Variants in SORBS2 observed in about 807,000 individuals in gnomAD.
SORBS2 encodes the protein sorbin and SH3 domain containing 2, also known as sorbin and SH3 domain-containing protein 2.
A neutral mutation model predicts 97.7 loss-of-function variants in SORBS2; 46 were observed. The observed-to-expected ratio is 0.47, with a 90% CI of 0.37 to 0.60. SORBS2 has a LOEUF of 0.60. Ranked by LOEUF, SORBS2 falls within the 20% of genes least tolerant of loss-of-function variation. SORBS2 has a pLI of 0.00. For missense variants in SORBS2, 1,316 were observed against 1,282.3 expected, an observed-to-expected ratio of 1.03 and a Z score of -0.40; for synonymous variants, 476 against 473.4, an observed-to-expected ratio of 1.01 and a Z score of -0.07.
chr4:185,725,702 T>A (rs2098550257), intron 2 of SORBS2, among the ~76,000 whole-genome samples: 1 of 152,242 alleles, frequency 6.6e-6, no homozygotes, highest in East Asian at 1.9e-4. Flanking sequence ...TCTGTCGTTT[T>A]AATTTTATTT....
intron 1 of SORBS2, among the ~76,000 whole-genome samples, chr4:185,934,425 C>T (rs2099267914): frequency 6.6e-6 from 1 of 152,136 alleles, no homozygotes; most frequent in African/African-American, 2.4e-5. Flanking sequence ...AGAAAACTCT[C>T]ACCCTTCCAC....
rs1456257420 is a variant in SORBS2, at chr4:185,684,062, A to G, written c.-197-5240T>C. ...ACCCATCACCAACAGGTGTGGGTCT[A>G]TTTCAGGGTCTGGAGGCACTGGGCT... On this transcript the variant is annotated intron_variant, in intron 2 of 20. Transcript: ENST00000284776. This position sits in a 1 kb window ranked among gnomAD's most constrained non-coding sequence, Gnocchi z 4.2. Among the ~76,000 whole-genome samples the G allele has an allele frequency of 6.6e-6, 1 of 152,138 alleles. No homozygotes were observed. The highest frequency in any genetic ancestry group is 1.9e-4 in the East Asian group (1 of 5,190).
At chr4:185,917,365 T>C (rs1478165215) in intron 1 of SORBS2, among the ~76,000 whole-genome samples, 1 of 152,188 alleles carries the variant, frequency 6.6e-6, no homozygotes, top group Non-Finnish European at 1.5e-5. Flanking sequence ...TAGCTGGGAC[T>C]ATAGGTGCAA....
At chr4:185,698,952 G>A (rs372848551) in intron 2 of SORBS2, among the ~76,000 whole-genome samples, 10 of 152,070 alleles carry the variant, frequency 6.6e-5, no homozygotes, top group African/African-American at 2.2e-4. Context: ...CGTGGTGAAA[G>A]TATTACAGTG....
intron 2 of SORBS2, among the ~76,000 whole-genome samples, chr4:185,703,413 C>T (rs2098294100): frequency 6.6e-6 from 1 of 152,082 alleles, no homozygotes; most frequent in African/African-American, 2.4e-5. Flanking sequence ...ATGGAGGCAG[C>T]TTGGCATTCC....
At chr4:185,762,184 A>C (rs993473139) in intron 2 of SORBS2, among the ~76,000 whole-genome samples, 1 of 152,188 alleles carries the variant, frequency 6.6e-6, no homozygotes, top group Non-Finnish European at 1.5e-5. Flanking sequence ...ATGAAGAAAA[A>C]TTCGAATGCT....
At chr4:185,955,630 C>T (rs1175565101) in intron 1 of SORBS2, among the ~76,000 whole-genome samples, 3 of 152,164 alleles carry the variant, frequency 2.0e-5, no homozygotes, top group African/African-American at 4.8e-5. Flanking sequence ...TGATGACTTT[C>T]GGACGAGCAC....
At chr4:185,677,405 A>C (rs1346611836) in intron 4 of SORBS2, 1 of 1,552,294 alleles carries the variant, frequency 6.4e-7, no homozygotes, top group Non-Finnish European at 8.7e-7. Flanking sequence ...GTAGTGGATT[A>C]GTGATTTTTT....
At chr4:185,690,310 T>C (rs575479382) in intron 2 of SORBS2, among the ~76,000 whole-genome samples, 2 of 152,346 alleles carry the variant, frequency 1.3e-5, no homozygotes, top group East Asian at 3.9e-4. Context: ...CTATTGTTTA[T>C]AGGAGTTAGT....
intron 1 of SORBS2, among the ~76,000 whole-genome samples, chr4:185,803,397 A>T (rs2099139638): frequency 6.6e-6 from 1 of 152,228 alleles, no homozygotes; most frequent in Non-Finnish European, 1.5e-5. Flanking sequence ...GTTCGAAATC[A>T]TTATGATGTA....
At chr4:185,919,965 T>G (rs1281038685) in intron 1 of SORBS2, among the ~76,000 whole-genome samples, 2 of 152,276 alleles carry the variant, frequency 1.3e-5, no homozygotes, top group East Asian at 3.8e-4. Flanking sequence ...TAGTTGTTAG[T>G]ATGCCATCTT....
chr4:185,656,866 G>A lies in SORBS2; in HGVS notation c.-228C>T, dbSNP rs2097415402. The stretch of plus-strand genomic sequence containing the variant: ...CCCAGGAGAGCTCTCAGCAGGCACG[G>A]CTGAAGAGGGACATTAAAATGTGTA... On this transcript the variant is annotated 5_prime_UTR_variant, in exon 1 of 15. Transcript: ENST00000418609. 5 of 1,300,748 alleles carry A rather than the reference G, an allele frequency of 3.8e-6. No individual in the cohort carries two copies. The East Asian group carries it at 1.7e-4, about 45-fold the overall frequency. The allele number at this position is 1,300,748 out of a possible 1,614,324, so 80.6% of individuals were successfully genotyped here. A position where few individuals can be genotyped will look rare whatever the true frequency, so the allele number is the denominator to read the frequency against.
chr4:185,784,347 G>C (rs944803756), intron 1 of SORBS2, among the ~76,000 whole-genome samples: 1 of 152,174 alleles, frequency 6.6e-6, no homozygotes, highest in Admixed American at 6.5e-5. Context: ...GGCCAGGATG[G>C]TCTCGATCTC....
chr4:185,792,434 C>G (rs1483452841), intron 1 of SORBS2, among the ~76,000 whole-genome samples: 1 of 151,818 alleles, frequency 6.6e-6, no homozygotes, highest in Non-Finnish European at 1.5e-5. Context: ...GCAGAGGCTG[C>G]AGTTAGCTGA....
intron 9 of SORBS2, among the ~76,000 whole-genome samples, chr4:185,617,249 T>A (rs758116951): frequency 6.6e-5 from 10 of 152,194 alleles, no homozygotes; most frequent in Non-Finnish European, 1.5e-4. Context: ...TCACACCATA[T>A]CCACAGAACA....
At chr4:185,943,733 A>G (rs1020444353) in intron 1 of SORBS2, among the ~76,000 whole-genome samples, 3 of 152,210 alleles carry the variant, frequency 2.0e-5, no homozygotes, top group African/African-American at 7.2e-5. Context: ...TAAAAGTGAA[A>G]TGGACGTTAG....
At chr4:185,653,951 A>G (rs567026640) in intron 1 of SORBS2, among the ~76,000 whole-genome samples, 1 of 152,320 alleles carries the variant, frequency 6.6e-6, no homozygotes, top group East Asian at 1.9e-4. Context: ...TACTTACTAG[A>G]CTGAGCTTTG....
intron 2 of SORBS2, among the ~76,000 whole-genome samples, chr4:185,679,220 G>A (rs1392978236): frequency 1.3e-5 from 2 of 152,110 alleles, no homozygotes; most frequent in Admixed American, 1.3e-4. Flanking sequence ...CTGTTGATAA[G>A]CATATTTAAC....
At chr4:185,620,518 A>G (rs1456066188) in intron 7 of SORBS2, among the ~76,000 whole-genome samples, 2 of 152,140 alleles carry the variant, frequency 1.3e-5, no homozygotes, top group African/African-American at 4.8e-5. Flanking sequence ...TATAATTACT[A>G]TTATAAGATT....
Sources: allele counts gnomAD v4.1 joint callset (sites outside exome capture counted in the v4.1 genomes callset), GRCh38; gene constraint gnomAD v4.1.1; non-coding constraint Gnocchi (gnomAD v3.1); transcripts MANE v1.5; gene names NCBI Gene and HGNC (gene_info 2026-07-23, HGNC 2026-07-21).